DIAPH3: variants seen among roughly 807,000 people sequenced by gnomAD.
DIAPH3 encodes the protein diaphanous related formin 3.
Under a neutral mutation model 144.3 loss-of-function variants are expected in DIAPH3, and 117 were observed. That is an observed-to-expected ratio of 0.81 (90% confidence interval 0.70 to 0.95). The LOEUF (loss-of-function observed/expected upper bound fraction) is 0.95, where lower values mean the gene tolerates loss of function less well. Ranked by LOEUF, DIAPH3 falls within the 40% of genes least tolerant of loss-of-function variation. The probability of loss-of-function intolerance (pLI) is 0.00; values close to 1 mark genes in which losing one functional copy is unlikely to be tolerated. For synonymous variants in DIAPH3, 519 were observed against 488.9 expected (o/e 1.06, Z -0.81); for missense variants, 1,421 against 1,412.7 (o/e 1.01, Z -0.09).
chr13:59,789,856 T>A (rs2039239507), intron 25 of DIAPH3, among the ~76,000 whole-genome samples: 2 of 152,172 alleles, frequency 1.3e-5, no homozygotes, highest in South Asian at 2.1e-4. Flanking sequence ...TGTGAAGGTG[T>A]CAAGCCTGGG....
intron 20 of DIAPH3, among the ~76,000 whole-genome samples, chr13:59,889,301 GTCTT>G (rs2045644005): frequency 6.6e-6 from 1 of 151,884 alleles, no homozygotes; most frequent in African/African-American, 2.4e-5. Context: ...ACTTTATTCA[GTCTT>G]TCTTCCTACA....
chr13:59,955,293 G>C (rs2049334188), intron 17 of DIAPH3, among the ~76,000 whole-genome samples: 1 of 151,916 alleles, frequency 6.6e-6, no homozygotes, highest in Non-Finnish European at 1.5e-5. Context: ...CGAATCATGG[G>C]GGCGGGTTTC....
intron 22 of DIAPH3, among the ~76,000 whole-genome samples, chr13:59,851,864 C>A (rs373231896): frequency 3.9e-5 from 6 of 152,092 alleles, no homozygotes; most frequent in African/African-American, 1.4e-4. Flanking sequence ...ATGATCCGCA[C>A]GCCTCGGCCT....
chr13:59,792,987 C>A (rs1339042396), intron 25 of DIAPH3, among the ~76,000 whole-genome samples: 1 of 152,182 alleles, frequency 6.6e-6, no homozygotes, highest in Non-Finnish European at 1.5e-5. Flanking sequence ...GAGGCTCTCC[C>A]ACTCCCTGAG....
chr13:60,139,648 G>A (rs534900112), intron 1 of DIAPH3, among the ~76,000 whole-genome samples: 1 of 152,226 alleles, frequency 6.6e-6, no homozygotes, highest in South Asian at 2.1e-4. Flanking sequence ...AACTGCCTCT[G>A]TAGAAAAAAA....
intron 24 of DIAPH3, among the ~76,000 whole-genome samples, chr13:59,828,772 A>G (rs2041606517): frequency 6.6e-6 from 1 of 151,922 alleles, no homozygotes; most frequent in Non-Finnish European, 1.5e-5. Context: ...AAATAAAGCT[A>G]AAGAAAATTA....
intron 17 of DIAPH3, among the ~76,000 whole-genome samples, chr13:59,939,927 A>G (rs1267776126): frequency 6.6e-6 from 1 of 151,614 alleles, no homozygotes; most frequent in African/African-American, 2.4e-5. Context: ...AGGATTCAGA[A>G]ATCCCTGGAT....
In DIAPH3 at chr13:60,119,514, G is replaced by A. The variant is rs191911053; in HGVS notation, c.214-7328C>T. Among the ~76,000 whole-genome samples, 14 of 152,036 alleles carry A rather than the reference G, an allele frequency of 9.2e-5. No individual in the cohort carries two copies. In the East Asian group the frequency reaches 2.7e-3, roughly 29 times the overall value. ...TGTAATCCCAGCACTTTGGGAGGCC[G>A]AGGCGGGTGGATCACGAGGTCAGGA... On this transcript the variant is annotated intron_variant, in intron 2 of 27. Coordinates refer to ENST00000400324, the MANE Select transcript of DIAPH3 (RefSeq NM_001042517.2).
Position 60,010,560 on chromosome 13 carries a change from G to T in DIAPH3, c.881C>A (p.Ala294Glu), listed in dbSNP as rs760380418. The change falls in exon 8 of 28, where the codon GCG (alanine) becomes GAG (glutamate). Residue 294 changes from alanine to glutamate, a missense_variant. By Grantham distance (107) the Ala-to-Glu change is moderately radical (BLOSUM62 -1). Transcript: ENST00000400324. ...MMTDVVKLLSAVCIVGEESIL... is the reference protein window; with the variant it reads ...MMTDVVKLLSEVCIVGEESIL... The stretch of plus-strand genomic sequence containing the variant: ...GCTTTCTTCCCCTACAATGCATACC[G>T]CAGAGAGAAGTTTAACCACATCTGT... 5 of 1,608,674 alleles carry T rather than the reference G, an allele frequency of 3.1e-6. No homozygotes were observed. Among genetic ancestry groups the T allele is most frequent in the Non-Finnish European group, 3.4e-6 (4 of 1,176,712 alleles).
chr13:60,088,509 A>G (rs1049336082), intron 4 of DIAPH3, among the ~76,000 whole-genome samples: 4 of 152,124 alleles, frequency 2.6e-5, no homozygotes, highest in Non-Finnish European at 5.9e-5. Context: ...TTGGCCTCTC[A>G]GGACTTCCCT....
chr13:59,822,655 G>A (rs1386005991), intron 24 of DIAPH3, among the ~76,000 whole-genome samples: 2 of 151,974 alleles, frequency 1.3e-5, no homozygotes, highest in East Asian at 1.9e-4. Flanking sequence ...TGTTGTGCAG[G>A]ATGGTCTCAA....
Position 60,010,571 on chromosome 13 carries a change from T to C in DIAPH3, c.870A>G (p.Lys290=), listed in dbSNP as rs770051362. The C allele has an allele frequency of 3.7e-6, 6 of 1,612,196 alleles. No homozygotes were observed. The African/African-American group carries it at 8.0e-5, about 21-fold the overall frequency. ...CTACAATGCATACCGCAGAGAGAAG[T>C]TTAACCACATCTGTCATCATATTGG... The part of the protein sequence containing the change: ...RHPNMMTDVV[K]LLSAVCIVGE... Residue 290 remains lysine, a synonymous_variant, in exon 8 of 28, where the codon AAA becomes AAG. Coordinates refer to ENST00000400324, the MANE Select transcript of DIAPH3 (RefSeq NM_001042517.2).
intron 27 of DIAPH3, among the ~76,000 whole-genome samples, chr13:59,752,693 C>T (rs2037072399): frequency 6.6e-6 from 1 of 152,116 alleles, no homozygotes; most frequent in Non-Finnish European, 1.5e-5. Context: ...AAGCTTCAGT[C>T]TCTTTTAAAA....
chr13:60,118,068 T>C (rs1451966338), intron 2 of DIAPH3, among the ~76,000 whole-genome samples: 1 of 152,188 alleles, frequency 6.6e-6, no homozygotes, highest in Non-Finnish European at 1.5e-5. Flanking sequence ...ACTTCATTAA[T>C]ATGGCTTTGA....
intron 17 of DIAPH3, among the ~76,000 whole-genome samples, chr13:59,944,018 C>G (rs1005732879): frequency 1.3e-5 from 2 of 151,950 alleles, no homozygotes; most frequent in African/African-American, 4.8e-5. Flanking sequence ...TCAAGACCAG[C>G]CTGGGCAACA....
intron 4 of DIAPH3, among the ~76,000 whole-genome samples, chr13:60,061,231 A>G (rs1453656949): frequency 1.3e-5 from 2 of 152,082 alleles, no homozygotes; most frequent in African/African-American, 4.8e-5. Flanking sequence ...TTTAGGAGCT[A>G]GATGTCCACA....
chr13:60,134,443 G>A (rs1478589100), intron 1 of DIAPH3, among the ~76,000 whole-genome samples: 2 of 152,202 alleles, frequency 1.3e-5, no homozygotes, highest in Non-Finnish European at 2.9e-5. Flanking sequence ...TAGGGCCACA[G>A]TGTCACCCCA....
intron 24 of DIAPH3, chr13:59,832,905 T>G: frequency 1.9e-6 from 1 of 529,322 alleles, no homozygotes; most frequent in Non-Finnish European, 3.4e-6. Context: ...TCAAAATGTC[T>G]GATTACAGCT....
chr13:60,080,613 G>A (rs2057523810), intron 4 of DIAPH3, among the ~76,000 whole-genome samples: 1 of 151,782 alleles, frequency 6.6e-6, no homozygotes, highest in African/African-American at 2.4e-5. Flanking sequence ...TATAATCTAA[G>A]CCAATACGTT....
Sources: allele counts gnomAD v4.1 joint callset (sites outside exome capture counted in the v4.1 genomes callset), GRCh38; gene constraint gnomAD v4.1.1; transcripts MANE v1.5; gene names NCBI Gene and HGNC (gene_info 2026-07-23, HGNC 2026-07-21).